Variants in EVA1A observed in about 807,000 individuals in gnomAD.
The protein encoded by EVA1A is protein eva-1 homolog A.
In EVA1A, 7 loss-of-function variants were observed where a neutral mutation model predicts 9.8. That is an observed-to-expected ratio of 0.71 (90% confidence interval 0.41 to 1.34). The LOEUF is 1.34. Ranked by LOEUF, EVA1A falls within the 40% of genes most tolerant of loss-of-function variation. The pLI is 0.01. For synonymous variants in EVA1A, 90 were observed against 85.6 expected, an observed-to-expected ratio of 1.05 and a Z score of -0.28; for missense variants, 206 against 205.9, an observed-to-expected ratio of 1.00 and a Z score of 0.00.
At chr2:75,533,377 G>A (rs1049001307) in intron 1 of EVA1A, among the ~76,000 whole-genome samples, 2 of 152,066 alleles carry the variant, frequency 1.3e-5, no homozygotes, top group African/African-American at 2.4e-5. Context: ...TCCATACCCA[G>A]CAAAACTGCC....
At chr2:75,510,359 T>G (rs1661497980) in intron 3 of EVA1A, among the ~76,000 whole-genome samples, 2 of 152,216 alleles carry the variant, frequency 1.3e-5, no homozygotes, top group Admixed American at 1.3e-4. Context: ...TCCAATGCCT[T>G]GGGCATAGCT....
At chr2:75,500,610 C>T (rs1431789079) in intron 3 of EVA1A, among the ~76,000 whole-genome samples, 3 of 152,026 alleles carry the variant, frequency 2.0e-5, no homozygotes, top group Non-Finnish European at 4.4e-5. Flanking sequence ...TTAAAAACTC[C>T]CATGTACCTT....
intron 1 of EVA1A, among the ~76,000 whole-genome samples, chr2:75,536,168 T>A (rs1180805020): frequency 6.6e-6 from 1 of 151,928 alleles, no homozygotes; most frequent in Non-Finnish European, 1.5e-5. Context: ...CAAAACCCCG[T>A]CTCTACAAAA....
intron 1 of EVA1A, among the ~76,000 whole-genome samples, chr2:75,567,820 G>A (rs540120043): frequency 7.2e-5 from 11 of 152,274 alleles, no homozygotes; most frequent in African/African-American, 2.6e-4. Context: ...GGTCTCCTGT[G>A]TCTGAACACA....
At chr2:75,569,284 A>C (rs918184923) in intron 1 of EVA1A, among the ~76,000 whole-genome samples, 1 of 152,070 alleles carries the variant, frequency 6.6e-6, no homozygotes, top group Admixed American at 6.5e-5. Flanking sequence ...ATCCCCTTCA[A>C]TCCTCAGCTC....
chr2:75,504,913 T>C (rs1226699787), intron 3 of EVA1A, among the ~76,000 whole-genome samples: 14 of 152,146 alleles, frequency 9.2e-5, no homozygotes, highest in Admixed American at 9.2e-4. Flanking sequence ...TGTATACCTA[T>C]GTAACAAACC....
chr2:75,518,764 C>T (rs1032663977), intron 2 of EVA1A: 7 of 986,276 alleles, frequency 7.1e-6, no homozygotes, highest in Admixed American at 6.1e-5. Flanking sequence ...TCCTCTCCTG[C>T]TGTGCTTTCC....
intron 3 of EVA1A, among the ~76,000 whole-genome samples, chr2:75,500,134 C>A (rs911155046): frequency 6.6e-6 from 1 of 152,096 alleles, no homozygotes; most frequent in Admixed American, 6.6e-5. Flanking sequence ...GGCCACCAAG[C>A]AAAATAACTG....
intron 3 of EVA1A, among the ~76,000 whole-genome samples, chr2:75,498,641 T>A (rs1018921657): frequency 6.6e-6 from 1 of 152,162 alleles, no homozygotes; most frequent in Non-Finnish European, 1.5e-5. Context: ...CAGGAAAAGA[T>A]CTGTTTTAGA....
In EVA1A at chr2:75,518,218, A is replaced by T. The variant is rs1347778920; in HGVS notation, c.-68-10T>A. ...CTCTCCTTCTTCTCTTCTGTTTGGG[A>T]ACATAAAGTGAGTGATAAGAAACAT... On this transcript the variant is annotated splice_polypyrimidine_tract_variant and intron_variant, in intron 2 of 3. Coordinates refer to ENST00000393913, the MANE Select transcript of EVA1A (RefSeq NM_001135032.2). 1.2e-5 allele frequency: 19 copies of T among 1,571,970 alleles called. No homozygotes were observed. The highest frequency in any genetic ancestry group is 1.5e-5 in the Non-Finnish European group (17 of 1,161,566).
At chr2:75,537,794 C>T (rs1389131884) in intron 1 of EVA1A, among the ~76,000 whole-genome samples, 1 of 152,168 alleles carries the variant, frequency 6.6e-6, no homozygotes, top group Non-Finnish European at 1.5e-5. Flanking sequence ...ATCTCTCTTG[C>T]TCCTTCTTAC....
intron 1 of EVA1A, among the ~76,000 whole-genome samples, chr2:75,541,482 C>T (rs1676116337): frequency 6.6e-6 from 1 of 152,156 alleles, no homozygotes; most frequent in African/African-American, 2.4e-5. Context: ...AATTGATGCC[C>T]TAATCTCTAT....
At chr2:75,494,883 C>T (rs1384181839) in intron 3 of EVA1A, among the ~76,000 whole-genome samples, 2 of 152,196 alleles carry the variant, frequency 1.3e-5, no homozygotes, top group Admixed American at 6.5e-5. Flanking sequence ...AATTAGAGCT[C>T]TTTCCTTGGT....
intron 1 of EVA1A, among the ~76,000 whole-genome samples, chr2:75,526,741 C>T (rs541399456): frequency 2.3e-4 from 35 of 152,342 alleles, no homozygotes; most frequent in African/African-American, 8.2e-4. Context: ...GAAGTCAAAG[C>T]TGCAAAGGCA....
At chr2:75,523,062 G>A (rs1675287972) in intron 1 of EVA1A, among the ~76,000 whole-genome samples, 2 of 152,214 alleles carry the variant, frequency 1.3e-5, no homozygotes, top group Non-Finnish European at 2.9e-5. Context: ...CTTGCAGGAA[G>A]AATGAAATCA....
Position 75,492,643 on chromosome 2 carries a change from T to C in EVA1A, c.*593A>G, listed in dbSNP as rs1363065685. 6.5e-6 allele frequency: 1 copy of C among 152,804 alleles called. No homozygotes were observed. The highest frequency in any genetic ancestry group is 2.4e-5 in the African/African-American group (1 of 41,468). 9.5% of individuals were successfully genotyped at this position (152,804 alleles called of 1,614,324 possible). A position where few individuals can be genotyped will look rare whatever the true frequency, so the allele number is the denominator to read the frequency against. ...CATCTCCCATAATACAATAGTTCTA[T>C]TCATTTTCATGAATGAGGTGGGAAC... On this transcript the variant is annotated 3_prime_UTR_variant, in exon 4 of 4. Transcript: ENST00000393913.
At chr2:75,555,809 C>A (rs945596588) in intron 1 of EVA1A, among the ~76,000 whole-genome samples, 1 of 152,188 alleles carries the variant, frequency 6.6e-6, no homozygotes, top group Non-Finnish European at 1.5e-5. Context: ...GTCTTCCAGG[C>A]CCTTTCTTGA....
At chr2:75,530,587 G>A (rs1299710780) in intron 1 of EVA1A, among the ~76,000 whole-genome samples, 1 of 152,130 alleles carries the variant, frequency 6.6e-6, no homozygotes, top group Non-Finnish European at 1.5e-5. Context: ...GGGATACAGG[G>A]ATGGTTTAAC....
chr2:75,520,617 C>T (rs551892060), intron 2 of EVA1A, among the ~76,000 whole-genome samples: 6 of 152,188 alleles, frequency 3.9e-5, no homozygotes, highest in African/African-American at 7.2e-5. Context: ...TTTCAGCAAA[C>T]GGTGTTGGAA....
Sources: gnomAD v4.1 joint callset for allele counts (sites outside exome capture counted in the v4.1 genomes callset) on GRCh38, gnomAD v4.1.1 for gene constraint, MANE v1.5 for transcripts, NCBI Gene and HGNC (gene_info 2026-07-23, HGNC 2026-07-21) for gene names.